Variants in RSF1 observed in about 807,000 individuals in gnomAD.
The protein encoded by RSF1 is HBV pX-associated protein 8.
Under a neutral mutation model 145.2 loss-of-function variants are expected in RSF1, and 13 were observed. The ratio of observed to expected loss-of-function variants is 0.09; its 90% confidence interval spans 0.06 to 0.14. RSF1 has a LOEUF of 0.14. RSF1 is among the 10% of genes least tolerant of loss of function. RSF1 has a pLI of 1.00. For missense variants in RSF1, 1,517 were observed against 1,718.2 expected, an observed-to-expected ratio of 0.88 and a Z score of 2.07; for synonymous variants, 577 against 592.6, an observed-to-expected ratio of 0.97 and a Z score of 0.38.
intron 5 of RSF1, among the ~76,000 whole-genome samples, chr11:77,713,606 T>C (rs917498394): frequency 6.6e-6 from 1 of 152,356 alleles, no homozygotes; most frequent in Middle Eastern, 3.4e-3. Flanking sequence ...CCCCTTGCTT[T>C]TTCTTTTTTG....
chr11:77,781,996 G>A (rs182104303), intron 1 of RSF1, among the ~76,000 whole-genome samples: 1 of 152,170 alleles, frequency 6.6e-6, no homozygotes, highest in African/African-American at 2.4e-5. Flanking sequence ...TAGTAATATA[G>A]CTGTCTCATT....
chr11:77,686,256 A>G (rs1167232812), intron 9 of RSF1, among the ~76,000 whole-genome samples: 1 of 151,822 alleles, frequency 6.6e-6, no homozygotes, highest in Non-Finnish European at 1.5e-5. Context: ...GAAAAAATAA[A>G]AATTGGCCAG....
the RSF1 span, among the ~76,000 whole-genome samples, chr11:77,865,869 C>T: frequency 1.3e-5 from 2 of 152,194 alleles, no homozygotes; most frequent in Non-Finnish European, 2.9e-5. Context: ...AGGGGACCAT[C>T]GGCCTCAATA....
the RSF1 span, among the ~76,000 whole-genome samples, chr11:77,827,044 G>A: frequency 6.6e-6 from 1 of 152,126 alleles, no homozygotes; most frequent in African/African-American, 2.4e-5. Flanking sequence ...GGCAGAGGTT[G>A]CAGTGAGCTG....
intron 3 of RSF1, among the ~76,000 whole-genome samples, chr11:77,744,447 C>T (rs1047373460): frequency 6.6e-5 from 10 of 152,282 alleles, no homozygotes; most frequent in East Asian, 1.9e-4. Flanking sequence ...TACAGGTACA[C>T]GCCACAACAC....
At chr11:77,803,154 G>C (rs1303815250) in intron 1 of RSF1, among the ~76,000 whole-genome samples, 1 of 151,984 alleles carries the variant, frequency 6.6e-6, no homozygotes, top group Non-Finnish European at 1.5e-5. Flanking sequence ...TAGAGAGTGA[G>C]TTGTTTGTTT....
chr11:77,671,404 T>C lies in RSF1; in HGVS notation c.3751+638A>G, dbSNP rs576132180. ...ACTTTTATTTGAAACCTTTTAGCTA[T>C]TAAGGACATAAGAGGTTATTTCAAA... On this transcript the variant is annotated intron_variant, in intron 15 of 15. Transcript: ENST00000308488. Among the ~76,000 whole-genome samples, 12 of 151,270 alleles carry C rather than the reference T, an allele frequency of 7.9e-5. No homozygotes were observed. In the East Asian group the frequency reaches 1.8e-3, roughly 22 times the overall value.
chr11:77,842,171 G>C, the RSF1 span, among the ~76,000 whole-genome samples: 1 of 152,256 alleles, frequency 6.6e-6, no homozygotes, highest in East Asian at 1.9e-4. Flanking sequence ...TTCTTGGGGA[G>C]AGAATATGTC....
At chr11:77,864,354 C>T in the RSF1 span, among the ~76,000 whole-genome samples, 1 of 151,372 alleles carries the variant, frequency 6.6e-6, no homozygotes, top group South Asian at 2.1e-4. Context: ...CAGGGAGAAT[C>T]GCTTGAACCC....
intron 5 of RSF1, among the ~76,000 whole-genome samples, chr11:77,707,175 C>CTACT (rs1351105590): frequency 3.3e-5 from 5 of 152,260 alleles, no homozygotes; most frequent in South Asian, 4.1e-4. Flanking sequence ...GTCTTATGAA[C>CTACT]TACTCTGGGG....
chr11:77,813,566 A>G (rs1948750983), intron 1 of RSF1: 1 of 689,100 alleles, frequency 1.5e-6, no homozygotes. Context: ...TGATGAAGTC[A>G]GCACACACCT....
chr11:77,841,147 A>T, the RSF1 span: 1 of 698,998 alleles, frequency 1.4e-6, no homozygotes, highest in Non-Finnish European at 2.6e-6. Flanking sequence ...TCCTTTTATA[A>T]TGAACCTACT....
the RSF1 span, among the ~76,000 whole-genome samples, chr11:77,837,135 G>T: frequency 6.6e-6 from 1 of 152,098 alleles, no homozygotes; most frequent in Non-Finnish European, 1.5e-5. Context: ...TTGTTTGTTT[G>T]TTTGCTTGCT....
At chr11:77,753,863 C>A (rs1166803342) in intron 2 of RSF1, among the ~76,000 whole-genome samples, 1 of 152,168 alleles carries the variant, frequency 6.6e-6, no homozygotes, top group Non-Finnish European at 1.5e-5. Flanking sequence ...TCCACGTGGA[C>A]CTGCCAATCT....
At chr11:77,772,157 T>A (rs918598282) in intron 1 of RSF1, among the ~76,000 whole-genome samples, 7 of 152,150 alleles carry the variant, frequency 4.6e-5, no homozygotes, top group Non-Finnish European at 7.4e-5. Context: ...AATAAATGTA[T>A]TTGTACATTT....
chr11:77,811,012 C>G (rs1255332385), intron 1 of RSF1, among the ~76,000 whole-genome samples: 1 of 152,118 alleles, frequency 6.6e-6, no homozygotes, highest in Non-Finnish European at 1.5e-5. Flanking sequence ...TCAGACAATC[C>G]TCCGAAAGTG....
chr11:77,868,886 T>G, the RSF1 span: 1 of 192,128 alleles, frequency 5.2e-6, no homozygotes, highest in South Asian at 1.2e-4. Flanking sequence ...TTCAGGAAGC[T>G]CTATTGGCTC....
intron 12 of RSF1, 63 bp downstream of exon 12, chr11:77,678,023 T>C: frequency 8.8e-7 from 1 of 1,135,920 alleles, no homozygotes. Context: ...CTGCCCTAAT[T>C]TGGGCACCTG....
rs946553309 is a variant in RSF1, at chr11:77,716,592, T to C, written c.733+8953A>G. Reference sequence around the variant, plus strand: ...TTGAACTCACAGAAGCAGAGTAGAATAGTGGTTATGAGGGACTGAAGGTGT... The same window carrying C: ...TTGAACTCACAGAAGCAGAGTAGAACAGTGGTTATGAGGGACTGAAGGTGT... On this transcript the variant is annotated intron_variant, in intron 5 of 15. Coordinates refer to ENST00000308488, the MANE Select transcript of RSF1 (RefSeq NM_016578.4). Among the ~76,000 whole-genome samples, 67 of 152,132 alleles carry C rather than the reference T, an allele frequency of 4.4e-4. 1 individual carries two copies. Among genetic ancestry groups the C allele is most frequent in the Admixed American group, 2.9e-3 (44 of 15,280 alleles).
Sources: allele counts gnomAD v4.1 joint callset (sites outside exome capture counted in the v4.1 genomes callset), GRCh38; gene constraint gnomAD v4.1.1; transcripts MANE v1.5; gene names NCBI Gene and HGNC (gene_info 2026-07-23, HGNC 2026-07-21).